PON3: variants seen among roughly 807,000 people sequenced by gnomAD.
PON3 encodes the protein paraoxonase 3.
A neutral mutation model predicts 36.3 loss-of-function variants in PON3; 37 were observed. The ratio of observed to expected loss-of-function variants is 1.02; its 90% CI spans 0.78 to 1.34. The LOEUF (loss-of-function observed/expected upper bound fraction) is 1.34, where lower values mean the gene tolerates loss of function less well. Among genes scored for constraint, PON3 ranks in the 40% most tolerant of loss-of-function variants. PON3 has a pLI of 0.00. For missense variants in PON3, 415 were observed against 426.5 expected (o/e 0.97, Z 0.24); for synonymous variants, 155 against 154.8 (o/e 1.00, Z -0.01).
chr7:95,379,081 A>AG (rs536757997), intron 3 of PON3, among the ~76,000 whole-genome samples: 3 of 151,028 alleles, frequency 2.0e-5, no homozygotes, highest in Admixed American at 2.0e-4. Flanking sequence ...TAAAAAGCAA[A>AG]AAAAAAAAAG....
chr7:95,369,356 G>T (rs1414600135), intron 4 of PON3, among the ~76,000 whole-genome samples: 1 of 152,124 alleles, frequency 6.6e-6, no homozygotes, highest in Non-Finnish European at 1.5e-5. Flanking sequence ...ATACTAGAGT[G>T]GGGAGACACG....
Position 95,396,276 on chromosome 7 carries a change from C to T in PON3, c.74+1G>A. ...AGACGCCCTGTCAAGATGCCACTCA[C>T]CTAAACGCCAGGAACATCTCCCCGA... is the stretch of plus-strand genomic sequence containing the variant. On this transcript the variant is annotated splice_donor_variant, in intron 1 of 8. Transcript: ENST00000265627. LOFTEE classifies it high-confidence loss of function. The T allele has an allele frequency of 6.2e-7, 1 of 1,614,044 alleles. No homozygotes were observed. Among genetic ancestry groups the T allele is most frequent in the Non-Finnish European group, 8.5e-7 (1 of 1,179,980 alleles).
At chr7:95,361,282 T>G (rs1221558251) in intron 8 of PON3, among the ~76,000 whole-genome samples, 1 of 152,168 alleles carries the variant, frequency 6.6e-6, no homozygotes, top group African/African-American at 2.4e-5. Flanking sequence ...AATAATCATA[T>G]TTTTAACTGA....
intron 2 of PON3, among the ~76,000 whole-genome samples, chr7:95,392,801 G>C (rs1303959862): frequency 6.6e-6 from 1 of 152,160 alleles, no homozygotes; most frequent in Non-Finnish European, 1.5e-5. Context: ...TCCATGTAAT[G>C]CATTGACACA....
At position 95,372,270 on chromosome 7, in the gene PON3, C is replaced by T. The variant is rs753889814; in HGVS notation, c.270G>A (p.Leu90=). 1 of 1,613,934 alleles carries T rather than the reference C, an allele frequency of 6.2e-7. No homozygotes were observed. Among genetic ancestry groups the T allele is most frequent in the Admixed American group, 1.7e-5 (1 of 60,004 alleles). The part of the protein sequence containing the change: ...DEPGKIFLMD[L]NEQNPRAQAL... ...CTTGTGCCCTTGGGTTTTGTTCATT[C>T]AGATCCATCAAGAAGATTTTTCCTG... The change falls in exon 4 of 9, where the codon CTG becomes CTA. Residue 90 remains leucine (L), a synonymous_variant. Coordinates refer to ENST00000265627, the MANE Select transcript of PON3 (RefSeq NM_000940.3).
intron 3 of PON3, among the ~76,000 whole-genome samples, chr7:95,389,633 G>A (rs550076216): frequency 2.6e-5 from 4 of 152,120 alleles, no homozygotes; most frequent in Non-Finnish European, 5.9e-5. Flanking sequence ...AATGCAGTCT[G>A]TTCTCTATTT....
chr7:95,379,900 GCCT>G (rs1809007651), intron 3 of PON3, among the ~76,000 whole-genome samples: 1 of 152,214 alleles, frequency 6.6e-6, no homozygotes, highest in African/African-American at 2.4e-5. Flanking sequence ...CAGAAAGACT[GCCT>G]CCTCAAGTGG....
intron 3 of PON3, among the ~76,000 whole-genome samples, chr7:95,389,227 G>A (rs1159501205): frequency 1.3e-5 from 2 of 152,148 alleles, no homozygotes; most frequent in Non-Finnish European, 2.9e-5. Flanking sequence ...ACCAGTTCCA[G>A]CAGTGACACC....
intron 3 of PON3, among the ~76,000 whole-genome samples, chr7:95,379,967 T>A (rs1272796595): frequency 6.6e-6 from 1 of 152,210 alleles, no homozygotes; most frequent in African/African-American, 2.4e-5. Context: ...ACGGGCAGAC[T>A]GACACCTCAC....
At chr7:95,362,897 C>T (rs573650331) in intron 6 of PON3, 56 bp from the exon 7 acceptor site, 2 of 1,304,832 alleles carry the variant, frequency 1.5e-6, no homozygotes, top group East Asian at 2.3e-5. Context: ...ACAACACTCA[C>T]TTTTATTTTG....
chr7:95,385,151 G>A (rs1321312766), intron 3 of PON3, among the ~76,000 whole-genome samples: 9 of 151,882 alleles, frequency 5.9e-5, no homozygotes, highest in Admixed American at 1.3e-4. Flanking sequence ...GGAATTGAAC[G>A]ATGAGAACAC....
At chr7:95,368,084 CA>C (rs1285730914) in intron 4 of PON3, among the ~76,000 whole-genome samples, 32 of 152,166 alleles carry the variant, frequency 2.1e-4, no homozygotes, top group African/African-American at 7.5e-4. Context: ...AGGTAGTACC[CA>C]CCTCAGAAAT....
Position 95,363,948 on chromosome 7 carries a change from C to T in PON3, c.610G>A (p.Val204Ile), listed in dbSNP as rs1377223637. 3.1e-6 allele frequency: 5 copies of T among 1,613,736 alleles called. No individual in the cohort carries two copies. In the African/African-American group the frequency reaches 5.3e-5, roughly 17 times the overall value. ...ACCTCCCTTGGGCTGTAGAAAAGAA[C>T]ATAAGTCCAGCGAAGATCCAAGATC... ...EMILDLRWTY[V>I]LFYSPREVKV... Residue 204 changes from valine (V) to isoleucine (I), a missense_variant, in exon 6 of 9, where the codon GTT becomes ATT. By Grantham distance (29) the Val-to-Ile change is conservative. Coordinates refer to ENST00000265627, the MANE Select transcript of PON3 (RefSeq NM_000940.3).
At chr7:95,387,807 A>G (rs1273948379) in intron 3 of PON3, among the ~76,000 whole-genome samples, 3 of 152,214 alleles carry the variant, frequency 2.0e-5, no homozygotes, top group African/African-American at 7.2e-5. Context: ...GGAACAGAAC[A>G]GAAGCCTCAG....
intron 3 of PON3, among the ~76,000 whole-genome samples, chr7:95,388,513 TTGTGGAAGACCG>T: frequency 6.6e-6 from 1 of 152,318 alleles, no homozygotes; most frequent in East Asian, 1.9e-4. Flanking sequence ...AGTTCAACCA[TTGTGGAAGACCG>T]TGTGGCAGTT....
intron 3 of PON3, among the ~76,000 whole-genome samples, chr7:95,383,316 C>T (rs1170388921): frequency 6.6e-6 from 1 of 152,188 alleles, no homozygotes; most frequent in Non-Finnish European, 1.5e-5. Flanking sequence ...CCTCTCTCAC[C>T]ACTCCTATTC....
chr7:95,390,289 C>G (rs1212889085), intron 2 of PON3, 80 bp from the exon 3 acceptor site: 2 of 1,109,970 alleles, frequency 1.8e-6, no homozygotes, highest in African/African-American at 1.5e-5. Context: ...CTACAAATAT[C>G]TTTTGGAAAC....
chr7:95,391,042 C>T (rs1476885686), intron 2 of PON3, among the ~76,000 whole-genome samples: 1 of 152,176 alleles, frequency 6.6e-6, no homozygotes, highest in East Asian at 1.9e-4. Context: ...GTGCCTACTG[C>T]TTCTTAGCCT....
intron 5 of PON3, chr7:95,364,358 A>G: frequency 2.3e-6 from 1 of 435,068 alleles, no homozygotes; most frequent in Non-Finnish European, 4.3e-6. Flanking sequence ...AATGTTGATC[A>G]TGGTTATCTG....
Sources: allele counts gnomAD v4.1 joint callset (sites outside exome capture counted in the v4.1 genomes callset), GRCh38; gene constraint gnomAD v4.1.1; transcripts MANE v1.5; gene names NCBI Gene and HGNC (gene_info 2026-07-23, HGNC 2026-07-21).